The following NME6 variants were observed in gnomAD, a reference collection of about 807,000 sequenced individuals.
The protein encoded by NME6 is nucleoside diphosphate kinase 6, mitochondrial.
In NME6, 16 loss-of-function variants were observed where a neutral mutation model predicts 22.2. That is an observed-to-expected ratio of 0.72 (90% CI 0.49 to 1.09). The LOEUF is 1.09. Among genes scored for constraint, NME6 ranks in the 50% least tolerant of loss-of-function variants. The pLI is 0.00. For synonymous variants in NME6, 58 were observed against 85.2 expected (o/e 0.68, Z 1.76); for missense variants, 229 against 239.0 (o/e 0.96, Z 0.28).
In NME6 at chr3:48,295,113, A is replaced by G; in HGVS notation, c.356T>C (p.Phe119Ser). 6.2e-7 allele frequency: 1 copy of G among 1,614,158 alleles called. No individual in the cohort carries two copies. Among genetic ancestry groups the G allele is most frequent in the Non-Finnish European group, 8.5e-7 (1 of 1,180,036 alleles). ...GGTGTTGCGGGTGTCAGTGAGGCCG[A>G]AACTCCCACGGATAGAATCTGGGGC... ...HVAPDSIRGS[F>S]GLTDTRNTTH... The change falls in exon 5 of 6, where the codon TTC becomes TCC. Residue 119 changes from phenylalanine (F) to serine (S), a missense_variant. Coordinates refer to ENST00000442597, the MANE Select transcript of NME6 (RefSeq NM_001308426.2).
chr3:48,287,875 T>G (rs1213551231), downstream of NME6, among the ~76,000 whole-genome samples: 1 of 152,110 alleles, frequency 6.6e-6, no homozygotes, highest in Non-Finnish European at 1.5e-5. Context: ...TCTGGCTGTT[T>G]TTGTTACTTT....
rs370989621 is a variant in NME6, at chr3:48,296,757, C to A, written c.163G>T (p.Asp55Tyr). Residue 55 changes from aspartate to tyrosine, a missense_variant, in exon 3 of 6, where the codon GAT becomes TAT. Coordinates refer to ENST00000442597, the MANE Select transcript of NME6 (RefSeq NM_001308426.2). ...TGCTCTCGGTAAAACCTCTGGCAAT[C>A]TTCCTTTCTCCACAGTAGTTCTCTC... The part of the protein sequence containing the change: ...RMRELLWRKE[D>Y]CQRFYREHEG... 6 of 1,613,570 alleles carry A rather than the reference C, an allele frequency of 3.7e-6. No homozygotes were observed. Among genetic ancestry groups the A allele is most frequent in the East Asian group, 2.2e-5 (1 of 44,890 alleles).
rs2034933876 is a variant in NME6 at position 48,295,114 on chromosome 3, A to T, written c.355T>A (p.Phe119Ile). Residue 119 changes from phenylalanine to isoleucine, a missense_variant, in exon 5 of 6, where the codon TTC (phenylalanine) becomes ATC (isoleucine). Phe to Ile is a conservative substitution (Grantham distance 21). Coordinates refer to ENST00000442597, the MANE Select transcript of NME6 (RefSeq NM_001308426.2). ...HVAPDSIRGS[F>I]GLTDTRNTTH... ...GTGTTGCGGGTGTCAGTGAGGCCGA[A>T]ACTCCCACGGATAGAATCTGGGGCC... is the stretch of plus-strand genomic sequence containing the variant. 1 of 1,614,032 alleles carries T rather than the reference A, an allele frequency of 6.2e-7. No homozygotes were observed. The highest frequency in any genetic ancestry group is 2.2e-5 in the East Asian group (1 of 44,890).
rs1163957341 is a variant in NME6 at position 48,298,464 on chromosome 3, A to G, written c.53T>C (p.Ile18Thr). The change falls in exon 2 of 6, where the codon ATC becomes ACC. Residue 18 changes from isoleucine (I) to threonine (T), a missense_variant. Transcript: ENST00000442597. ...PQALQLTLAL[I>T]KPDAVAHPLI... ...TGGATGGGCGACTGCGTCAGGCTTG[A>G]TCAGGGCTAGAGTGAGCTGGAGAGC... The G allele has an allele frequency of 2.5e-6, 4 of 1,613,954 alleles. No homozygotes were observed. The highest frequency in any genetic ancestry group is 3.4e-6 in the Non-Finnish European group (4 of 1,179,964).
chr3:48,289,069 A>T (rs998562657), downstream of NME6, among the ~76,000 whole-genome samples: 2 of 148,172 alleles, frequency 1.3e-5, no homozygotes, highest in African/African-American at 5.0e-5. Context: ...TTTAAAAATA[A>T]TTTTTTTTTT....
rs1370095620 is a variant in NME6 at position 48,295,870 on chromosome 3, C to G, written c.233+249G>C. 6 of 525,938 alleles carry G rather than the reference C, an allele frequency of 1.1e-5. No individual in the cohort carries two copies. The East Asian group carries it at 2.1e-4, about 18-fold the overall frequency. 32.6% of individuals were successfully genotyped at this position (525,938 alleles called of 1,614,324 possible). A position where few individuals can be genotyped will look rare whatever the true frequency, so the allele number is the denominator to read the frequency against. ...AGCTGGGATTACAGGCACCTGCCAC[C>G]ATGCCGGGCTAATTTTTTGTATTTT... On this transcript the variant is annotated intron_variant, in intron 4 of 5. Coordinates refer to ENST00000442597, the MANE Select transcript of NME6 (RefSeq NM_001308426.2).
At chr3:48,297,284 C>A (rs1043222067) in intron 2 of NME6, among the ~76,000 whole-genome samples, 4 of 152,248 alleles carry the variant, frequency 2.6e-5, no homozygotes, top group African/African-American at 9.6e-5. Context: ...TTACTCTGTA[C>A]CAATTCTCTA....
downstream of NME6, among the ~76,000 whole-genome samples, chr3:48,290,350 TTTATAA>T (rs1340799199): frequency 3.3e-5 from 5 of 152,222 alleles, no homozygotes; most frequent in Non-Finnish European, 7.3e-5. Flanking sequence ...TAAATGACAA[TTTATAA>T]TTGTATAAAT....
In NME6 at chr3:48,298,140, A is replaced by T. The variant is rs2035306772; in HGVS notation, c.90+287T>A. On this transcript the variant is annotated intron_variant, in intron 2 of 5. Coordinates refer to ENST00000442597, the MANE Select transcript of NME6 (RefSeq NM_001308426.2). ...TGAAATAACAAATAAGTGTTGTTTT[A>T]AGCTCTCAAGTCTGGAGTAATGTGT... 3 of 419,842 alleles carry T rather than the reference A, an allele frequency of 7.1e-6. No individual in the cohort carries two copies. In the East Asian group the frequency reaches 1.6e-4, roughly 23 times the overall value. The allele number at this position is 419,842 out of a possible 1,614,324, so 26.0% of individuals were successfully genotyped here.
Position 48,298,425 on chromosome 3 carries a change from A to G in NME6, c.90+2T>C. The G allele has an allele frequency of 6.2e-7, 1 of 1,613,462 alleles. No homozygotes were observed. Among genetic ancestry groups the G allele is most frequent in the Middle Eastern group, 1.7e-4 (1 of 6,060 alleles). On this transcript the variant is annotated splice_donor_variant, in intron 2 of 5. Transcript: ENST00000442597. LOFTEE classifies it high-confidence loss of function. ...CGGTAGAGACTTAGGATTCATTCTT[A>G]CCTCCAGAATCAGTGGATGGGCGAC...
At chr3:48,296,379 C>T (rs2035104844) in intron 3 of NME6, 6 of 644,294 alleles carry the variant, frequency 9.3e-6, no homozygotes, top group Admixed American at 2.8e-5. Flanking sequence ...TCCTAATCTG[C>T]GTACGAGGGA....
rs1313131920 is a variant in NME6 at position 48,292,817 on chromosome 3, T to A, written c.*1820A>T. 6.6e-6 allele frequency: 1 copy of A among 152,252 alleles called. No homozygotes were observed. Among genetic ancestry groups the A allele is most frequent in the Non-Finnish European group, 1.5e-5 (1 of 68,066 alleles). The allele number at this position is 152,252 out of a possible 1,614,324, so 9.4% of individuals were successfully genotyped here. A position where few individuals can be genotyped will look rare whatever the true frequency, so the allele number is the denominator to read the frequency against. The stretch of plus-strand genomic sequence containing the variant: ...CGCCTGCCTCAGCCTCCCAAAGTGC[T>A]AGGATTATAGGTGTGCCACTGTGCC... On this transcript the variant is annotated 3_prime_UTR_variant, in exon 6 of 6. Transcript: ENST00000442597.
At chr3:48,290,253 A>T (rs988989929), downstream of NME6, among the ~76,000 whole-genome samples, 6 of 150,036 alleles carry the variant, frequency 4.0e-5, no homozygotes, top group African/African-American at 9.7e-5. Flanking sequence ...TATTAAAATT[A>T]AAAAAAAATT....
At chr3:48,300,272 C>T (rs1270913661) in intron 1 of NME6, 1 of 456,786 alleles carries the variant, frequency 2.2e-6, no homozygotes, top group South Asian at 1.5e-5. Flanking sequence ...TGGTTCCCCA[C>T]GTACCTCTCT....
intron 2 of NME6, 89 bp downstream of exon 2, chr3:48,298,338 G>T: frequency 9.0e-7 from 1 of 1,116,132 alleles, no homozygotes; most frequent in Non-Finnish European, 1.4e-6. Flanking sequence ...GCACAAGTCT[G>T]TGTTGTCAGT....
downstream of NME6, among the ~76,000 whole-genome samples, chr3:48,289,983 T>C (rs1241874078): frequency 6.6e-6 from 1 of 152,068 alleles, no homozygotes; most frequent in Admixed American, 6.6e-5. Flanking sequence ...AAGTATGTTA[T>C]CTTTTGTGTG....
Position 48,296,799 on chromosome 3 carries a change from A to G in NME6, c.121T>C (p.Phe41Leu). ...AVHQQILSNK[F>L]LIVRMRELLW... ...AGTTCTCTCATTCGTACAATCAGGA[A>G]CTTGTTGCTTAGAATCTGCTGATGA... is the stretch of plus-strand genomic sequence containing the variant. The change falls in exon 3 of 6, where the codon TTC (phenylalanine) becomes CTC (leucine). Residue 41 changes from phenylalanine (F) to leucine (L), a missense_variant. By Grantham distance (22) the Phe-to-Leu change is conservative. Transcript: ENST00000442597. 6.2e-7 allele frequency: 1 copy of G among 1,613,672 alleles called. No homozygotes were observed. Among genetic ancestry groups the G allele is most frequent in the Non-Finnish European group, 8.5e-7 (1 of 1,179,888 alleles).
At chr3:48,296,383 C>T (rs1373855621) in intron 3 of NME6, 12 of 640,740 alleles carry the variant, frequency 1.9e-5, no homozygotes, top group South Asian at 7.5e-5. Flanking sequence ...AATCTGCGTA[C>T]GAGGGATATA....
chr3:48,290,069 G>GT (rs947006750), downstream of NME6, among the ~76,000 whole-genome samples: 162 of 145,154 alleles, frequency 1.1e-3, no homozygotes, highest in South Asian at 3.0e-3. Flanking sequence ...ATGGTTTTTT[G>GT]TTTTTTTTTT....
Sources: gnomAD v4.1 joint callset for allele counts (sites outside exome capture counted in the v4.1 genomes callset) on GRCh38, gnomAD v4.1.1 for gene constraint, MANE v1.5 for transcripts, NCBI Gene and HGNC (gene_info 2026-07-23, HGNC 2026-07-21) for gene names.